The following RLF variants were observed in gnomAD, a reference collection of about 807,000 sequenced individuals.
RLF encodes the protein zinc finger protein Rlf.
A neutral mutation model predicts 162.9 loss-of-function variants in RLF; 7 were observed. The ratio of observed to expected loss-of-function variants is 0.04; its 90% CI spans 0.02 to 0.08. The LOEUF is 0.08. Ranked by LOEUF, RLF falls within the 10% of genes least tolerant of loss-of-function variation. The probability of loss-of-function intolerance (pLI) is 1.00; values close to 1 mark genes in which losing one functional copy is unlikely to be tolerated. For missense variants in RLF, 1,664 were observed against 2,244.7 expected, an observed-to-expected ratio of 0.74 and a Z score of 5.23; for synonymous variants, 782 against 791.5, an observed-to-expected ratio of 0.99 and a Z score of 0.20.
chr1:40,211,143 T>C (rs575583881), intron 5 of RLF, among the ~76,000 whole-genome samples: 1 of 152,328 alleles, frequency 6.6e-6, no homozygotes, highest in South Asian at 2.1e-4. Context: ...GCTAAAAATA[T>C]TTTCTGTCTG....
intron 3 of RLF, among the ~76,000 whole-genome samples, chr1:40,193,354 A>C (rs1265273586): frequency 6.6e-6 from 1 of 152,206 alleles, no homozygotes; most frequent in African/African-American, 2.4e-5. Flanking sequence ...TACCATTCTT[A>C]TTCTGAGTAA....
chr1:40,168,465 C>T (rs944420984), intron 1 of RLF, among the ~76,000 whole-genome samples: 5 of 151,784 alleles, frequency 3.3e-5, no homozygotes, highest in African/African-American at 4.8e-5. Flanking sequence ...AGGCTGGTCT[C>T]GAACTTCTGG....
At chr1:40,195,520 C>T (rs1434408617) in intron 3 of RLF, 112 bp from the exon 4 acceptor site, 12 of 805,698 alleles carry the variant, frequency 1.5e-5, no homozygotes, top group Non-Finnish European at 2.0e-5. Context: ...TACTTATTTT[C>T]AGGAAATCCA....
chr1:40,179,694 A>C (rs1326161093), intron 1 of RLF, among the ~76,000 whole-genome samples: 1 of 151,664 alleles, frequency 6.6e-6, no homozygotes, highest in Non-Finnish European at 1.5e-5. Flanking sequence ...ATCCATCTCC[A>C]GAACTTTGTC....
At chr1:40,178,491 C>CAACAATGT (rs1231300354) in intron 1 of RLF, among the ~76,000 whole-genome samples, 1 of 151,472 alleles carries the variant, frequency 6.6e-6, no homozygotes, top group Non-Finnish European at 1.5e-5. Flanking sequence ...AGTGGCAGCA[C>CAACAATGT]AACAATGTAA....
In RLF at chr1:40,238,613, A is replaced by G; in HGVS notation, c.3911A>G (p.Asn1304Ser). The change falls in exon 8 of 8, where the codon AAT (asparagine) becomes AGT (serine). Residue 1304 changes from asparagine (N) to serine (S), a missense_variant. This residue lies in a region of RLF where 33 missense variants were observed against 73.3 expected (regional missense o/e 0.45). Coordinates refer to ENST00000372771, the MANE Select transcript of RLF (RefSeq NM_012421.4). The surrounding 1 kb of genome is among the most constrained non-coding windows in gnomAD (Gnocchi z 5.2). ...AAAGGAAATCTGTGTTATATTTTGAATAAATACCACAAACCATTCCATTGT... is the reference window on the plus strand; with the variant it reads ...AAAGGAAATCTGTGTTATATTTTGAGTAAATACCACAAACCATTCCATTGT... The part of the protein sequence containing the change: ...VAKGNLCYIL[N>S]KYHKPFHCIH... 1 of 1,613,674 alleles carries G rather than the reference A, an allele frequency of 6.2e-7. No homozygotes were observed. The highest frequency in any genetic ancestry group is 1.1e-5 in the South Asian group (1 of 91,044).
At chr1:40,190,532 G>A (rs1557744344) in intron 2 of RLF, among the ~76,000 whole-genome samples, 1 of 152,038 alleles carries the variant, frequency 6.6e-6, no homozygotes, top group East Asian at 1.9e-4. Flanking sequence ...TTTCTAAAGA[G>A]CTTATTATAT....
intron 7 of RLF, among the ~76,000 whole-genome samples, chr1:40,232,339 A>G (rs755038239): frequency 2.6e-5 from 4 of 152,078 alleles, no homozygotes; most frequent in Admixed American, 2.0e-4. Flanking sequence ...CTAATTTTCT[A>G]TTGTTGAATA....
intron 6 of RLF, 151 bp downstream of exon 6, chr1:40,222,861 T>C: frequency 1.5e-6 from 1 of 650,140 alleles, no homozygotes; most frequent in Admixed American, 3.2e-5. Context: ...ATTAAAAATA[T>C]CATTGGTTTA....
chr1:40,185,372 C>A (rs1002843770), intron 1 of RLF, among the ~76,000 whole-genome samples: 1 of 147,742 alleles, frequency 6.8e-6, no homozygotes, highest in African/African-American at 2.5e-5. Flanking sequence ...TCAAGTGATA[C>A]ACCTGCCTCG....
In RLF at chr1:40,239,324, T is replaced by G; in HGVS notation, c.4622T>G (p.Val1541Gly). 6.2e-7 allele frequency: 1 copy of G among 1,614,118 alleles called. No individual in the cohort carries two copies. Among genetic ancestry groups the G allele is most frequent in the Non-Finnish European group, 8.5e-7 (1 of 1,180,014 alleles). Residue 1541 changes from valine (V) to glycine (G), a missense_variant, in exon 8 of 8, where the codon GTG becomes GGG. This residue lies in a region of RLF where 17 missense variants were observed against 57.0 expected (regional missense o/e 0.30). Transcript: ENST00000372771. Reference sequence around the variant, plus strand: ...AGAGCTGAGGCCCTCCATATGTGTGTGGAGCACTCTGAGCACACACAGTAC... The same window carrying G: ...AGAGCTGAGGCCCTCCATATGTGTGGGGAGCACTCTGAGCACACACAGTAC... The part of the protein sequence containing the change: ...KTRAEALHMC[V>G]EHSEHTQYPC...
chr1:40,231,386 A>G (rs914383293), intron 6 of RLF, 131 bp from the exon 7 acceptor site: 1 of 693,500 alleles, frequency 1.4e-6, no homozygotes, highest in Non-Finnish European at 2.4e-6. Context: ...TGGTGAATAT[A>G]GACAGCTTTT....
intron 1 of RLF, among the ~76,000 whole-genome samples, chr1:40,168,825 C>T (rs1214678378): frequency 6.6e-6 from 1 of 151,836 alleles, no homozygotes; most frequent in Non-Finnish European, 1.5e-5. Flanking sequence ...AACCCCATCT[C>T]TACTAAAAAT....
rs766345996 is a variant in RLF at position 40,238,581 on chromosome 1, T to A, written c.3879T>A (p.Thr1293=). ...EGREGRGSRR[T]VAKGNLCYIL... is the part of the protein sequence containing the mutation. ...GAGAGGGCAGAGGTAGCAGGCGAAC[T>A]GTTGCTAAAGGAAATCTGTGTTATA... is the stretch of plus-strand genomic sequence containing the variant. Residue 1293 remains threonine (T), a synonymous_variant, in exon 8 of 8, where the codon ACT becomes ACA. Transcript: ENST00000372771. The surrounding 1 kb of genome is among the most constrained non-coding windows in gnomAD (Gnocchi z 5.2). The A allele has an allele frequency of 3.0e-5, 49 of 1,613,674 alleles. No individual in the cohort carries two copies. Among genetic ancestry groups the A allele is most frequent in the Non-Finnish European group, 4.1e-5 (48 of 1,180,014 alleles).
At chr1:40,187,448 GTTTT>G (rs1230707073) in intron 1 of RLF, among the ~76,000 whole-genome samples, 1 of 152,088 alleles carries the variant, frequency 6.6e-6, no homozygotes, top group Non-Finnish European at 1.5e-5. Context: ...ATGTTACTCA[GTTTT>G]TTTATTTTAT....
chr1:40,187,008 A>T (rs952481068), intron 1 of RLF, among the ~76,000 whole-genome samples: 7 of 151,748 alleles, frequency 4.6e-5, no homozygotes, highest in Non-Finnish European at 1.0e-4. Flanking sequence ...TGTAACATAG[A>T]TTTTAATAAA....
At chr1:40,170,229 A>G (rs1307199864) in intron 1 of RLF, among the ~76,000 whole-genome samples, 1 of 152,042 alleles carries the variant, frequency 6.6e-6, no homozygotes, top group African/African-American at 2.4e-5. Context: ...GTTTTAGCCT[A>G]AAACATAATT....
At chr1:40,221,899 C>CAAAAAAAAAAAAAAAAAAAAAAAAAAAA (rs895455745) in intron 5 of RLF, among the ~76,000 whole-genome samples, 6 of 65,036 alleles carry the variant, frequency 9.2e-5, no homozygotes, top group Admixed American at 3.7e-4. Flanking sequence ...GACTCCGTCT[C>CAAAAAAAAAAAAAAAAAAAAAAAAAAAA]AAAAAAAAAA....
At chr1:40,169,637 A>T (rs1415735763) in intron 1 of RLF, among the ~76,000 whole-genome samples, 11 of 151,410 alleles carry the variant, frequency 7.3e-5, no homozygotes, top group African/African-American at 7.3e-5. Flanking sequence ...AAAAAAAAAA[A>T]AAAAAAAATA....
Sources: gnomAD v4.1 joint callset for allele counts (sites outside exome capture counted in the v4.1 genomes callset) on GRCh38, gnomAD v4.1.1 for gene constraint, gnomAD v4.1.1 regional missense constraint, Gnocchi (gnomAD v3.1) non-coding constraint, MANE v1.5 for transcripts, NCBI Gene and HGNC (gene_info 2026-07-23, HGNC 2026-07-21) for gene names.